Variants in CCDC30 observed in about 807,000 individuals in gnomAD.
CCDC30 encodes coiled-coil domain containing 30, also known as coiled-coil domain-containing protein 30.
A neutral mutation model predicts 100.2 loss-of-function variants in CCDC30; 70 were observed. The ratio of observed to expected loss-of-function variants is 0.70; its 90% CI spans 0.58 to 0.85. CCDC30 has a LOEUF of 0.85. Among genes scored for constraint, CCDC30 ranks in the 40% least tolerant of loss-of-function variants. The pLI, the probability that CCDC30 is intolerant of heterozygous loss-of-function variation, is 0.00. For missense variants in CCDC30, 652 were observed against 771.2 expected (o/e 0.85, Z 1.83); for synonymous variants, 233 against 269.5 (o/e 0.86, Z 1.33).
intron 9 of CCDC30, among the ~76,000 whole-genome samples, chr1:42,583,745 G>A (rs1162845979): frequency 6.6e-6 from 1 of 152,152 alleles, no homozygotes; most frequent in Non-Finnish European, 1.5e-5. Context: ...ATGCAATTAT[G>A]GGAACTGGTT....
At chr1:42,650,503 G>A (rs201051349) in intron 15 of CCDC30, among the ~76,000 whole-genome samples, 11,122 of 140,416 alleles carry the variant, frequency 0.079, 629 homozygotes, top group East Asian at 0.25. Context: ...ATATATGTGT[G>A]TGTGTGTGTG....
chr1:42,545,148 T>A (rs12562251), intron 6 of CCDC30, among the ~76,000 whole-genome samples: 19,197 of 91,296 alleles, frequency 0.21, 1,538 homozygotes, highest in Admixed American at 0.3. Flanking sequence ...AACCCCAGAG[T>A]CCAAAAATAC....
intron 3 of CCDC30, among the ~76,000 whole-genome samples, chr1:42,485,160 A>G (rs967586170): frequency 6.6e-6 from 1 of 152,202 alleles, no homozygotes; most frequent in African/African-American, 2.4e-5. Flanking sequence ...TCTCTACCTT[A>G]CACCTACACA....
chr1:42,520,034 A>G lies in CCDC30; in HGVS notation c.456+21118A>G, dbSNP rs982589172. On this transcript the variant is annotated intron_variant, in intron 6 of 16. Coordinates refer to ENST00000668663, the Ensembl canonical transcript of CCDC30. ...AGTAAATATAATTAAAGATTTGTCA[A>G]TTTTGTTGATCTTTTCAAAGAACAA... Among the ~76,000 whole-genome samples, 7 of 152,020 alleles carry G rather than the reference A, an allele frequency of 4.6e-5. No homozygotes were observed. The East Asian group carries it at 1.2e-3, about 25-fold the overall frequency.
At chr1:42,539,831 C>T (rs1366363091) in intron 6 of CCDC30, among the ~76,000 whole-genome samples, 1 of 151,694 alleles carries the variant, frequency 6.6e-6, no homozygotes, top group Non-Finnish European at 1.5e-5. Flanking sequence ...AAAATGTGCC[C>T]AGGAGTTAGA....
At chr1:42,638,874 CTAAATAAA>C (rs568862531) in intron 12 of CCDC30, among the ~76,000 whole-genome samples, 5 of 150,812 alleles carry the variant, frequency 3.3e-5, no homozygotes, top group Admixed American at 6.6e-5. Context: ...AAAACTCCAT[CTAAATAAA>C]TAAATAAATA....
chr1:42,514,646 T>G (rs914299457), intron 6 of CCDC30, among the ~76,000 whole-genome samples: 3 of 152,254 alleles, frequency 2.0e-5, no homozygotes, highest in South Asian at 2.1e-4. Context: ...TAGTCTCTTA[T>G]GTGTTTTGTT....
At chr1:42,560,341 T>C (rs1300362243) in intron 6 of CCDC30, among the ~76,000 whole-genome samples, 1 of 152,026 alleles carries the variant, frequency 6.6e-6, no homozygotes, top group Non-Finnish European at 1.5e-5. Flanking sequence ...TAAAAATCAA[T>C]GAATCCTGGA....
intron 11 of CCDC30, among the ~76,000 whole-genome samples, chr1:42,634,299 A>G (rs1647105469): frequency 6.6e-6 from 1 of 151,760 alleles, no homozygotes; most frequent in South Asian, 2.1e-4. Flanking sequence ...CTTCCAGGGC[A>G]AAGGGACATT....
At chr1:42,480,041 T>C (rs1006455827) in intron 1 of CCDC30, among the ~76,000 whole-genome samples, 2 of 152,154 alleles carry the variant, frequency 1.3e-5, no homozygotes, top group African/African-American at 4.8e-5. Context: ...GCTAGGCTTT[T>C]TTGGGGCTTC....
intron 6 of CCDC30, among the ~76,000 whole-genome samples, chr1:42,550,867 A>ATGAC (rs1466222203): frequency 2.0e-5 from 3 of 152,234 alleles, no homozygotes; most frequent in Admixed American, 2.0e-4. Flanking sequence ...TGACAAATAA[A>ATGAC]TGACTGAATC....
intron 4 of CCDC30, among the ~76,000 whole-genome samples, chr1:42,493,352 G>C (rs1468170874): frequency 1.3e-5 from 2 of 152,156 alleles, no homozygotes; most frequent in Non-Finnish European, 1.5e-5. Flanking sequence ...CACTTTGGGA[G>C]GCTGAAGCAG....
chr1:42,555,681 G>C (rs556491571), intron 6 of CCDC30, among the ~76,000 whole-genome samples: 1 of 152,176 alleles, frequency 6.6e-6, no homozygotes, highest in Non-Finnish European at 1.5e-5. Flanking sequence ...TCATCTGTGG[G>C]TTTTCTTTTA....
intron 10 of CCDC30, among the ~76,000 whole-genome samples, chr1:42,607,305 T>C (rs1411037774): frequency 6.6e-6 from 1 of 152,014 alleles, no homozygotes; most frequent in Non-Finnish European, 1.5e-5. Context: ...GGAAGAGGTT[T>C]AGCTTTAAAA....
intron 4 of CCDC30, among the ~76,000 whole-genome samples, chr1:42,495,624 G>A (rs1644220646): frequency 6.6e-6 from 1 of 151,880 alleles, no homozygotes; most frequent in Admixed American, 6.6e-5. Context: ...GAACCCAGGA[G>A]GCAGAGGCTG....
At chr1:42,653,931 T>G in exon 17 of CCDC30, 1 of 1,613,910 alleles carries the variant, frequency 6.2e-7, no homozygotes, top group Non-Finnish European at 8.5e-7. Context: ...CCTGAGAATC[T>G]TGTGTGTTCA....
At chr1:42,643,385 C>T (rs1398403191) in intron 13 of CCDC30, among the ~76,000 whole-genome samples, 1 of 152,206 alleles carries the variant, frequency 6.6e-6, no homozygotes. Context: ...GACTGCCAAG[C>T]AGACTGTAAT....
At chr1:42,459,855 G>A (rs182769462), upstream of CCDC30, 71 of 1,614,162 alleles carry the variant, frequency 4.4e-5, no homozygotes, top group South Asian at 3.5e-4. Context: ...AGAAAAAGGC[G>A]TAGAGATAGA....
intron 9 of CCDC30, among the ~76,000 whole-genome samples, chr1:42,587,583 AG>A (rs919215413): frequency 6.4e-4 from 98 of 152,348 alleles, no homozygotes; most frequent in African/African-American, 2.2e-3. Flanking sequence ...AAGAAACATA[AG>A]GAGAAGAACG....
Sources: gnomAD v4.1 joint callset for allele counts (sites outside exome capture counted in the v4.1 genomes callset) on GRCh38, gnomAD v4.1.1 for gene constraint, MANE v1.5 for transcripts, NCBI Gene and HGNC (gene_info 2026-07-23, HGNC 2026-07-21) for gene names.